CDH13: variants seen among roughly 807,000 people sequenced by gnomAD.
CDH13 encodes the protein cadherin 13, also known as cadherin-13.
In CDH13, 24 loss-of-function variants were observed where a neutral mutation model predicts 63.8. The ratio of observed to expected loss-of-function variants is 0.38; its 90% confidence interval spans 0.27 to 0.53. The LOEUF (loss-of-function observed/expected upper bound fraction) is 0.53, where lower values mean the gene tolerates loss of function less well. Among genes scored for constraint, CDH13 ranks in the 20% least tolerant of loss-of-function variants. The pLI is 0.85. For missense variants in CDH13, 1,049 were observed against 903.1 expected, an observed-to-expected ratio of 1.16 and a Z score of -2.07; for synonymous variants, 503 against 355.3, an observed-to-expected ratio of 1.42 and a Z score of -4.67.
chr16:83,415,202 A>C (rs1417830629), intron 6 of CDH13, among the ~76,000 whole-genome samples: 1 of 152,146 alleles, frequency 6.6e-6, no homozygotes, highest in Non-Finnish European at 1.5e-5. Flanking sequence ...AATTCCTAAA[A>C]ACATACAACC....
Position 83,780,194 on chromosome 16 carries a change from G to C in CDH13, c.1908G>C (p.Lys636Asn). 1 of 1,588,980 alleles carries C rather than the reference G, an allele frequency of 6.3e-7. No individual in the cohort carries two copies. Among genetic ancestry groups the C allele is most frequent in the African/African-American group, 1.3e-5 (1 of 74,606 alleles). ...AVPDKVWKIS[K>N]INNTHALVSL... ...CTGATAAAGTCTGGAAGATCTCCAA[G>C]ATCAACAGTAAGTCTGGCTAAAGCA... The change falls in exon 12 of 14, where the codon AAG becomes AAC. Residue 636 changes from lysine (K) to asparagine (N), a missense_variant. Transcript: ENST00000567109.
chr16:82,639,215 G>T, intron 1 of CDH13: 2 of 487,102 alleles, frequency 4.1e-6, no homozygotes, highest in Non-Finnish European at 7.2e-6. Flanking sequence ...TAGCTGCCTG[G>T]GATGACTACT....
intron 1 of CDH13, among the ~76,000 whole-genome samples, chr16:82,667,065 C>G (rs1404588782): frequency 3.9e-5 from 6 of 152,158 alleles, no homozygotes; most frequent in African/African-American, 1.4e-4. Context: ...AAGGAATCAG[C>G]TGTTCCTTCT....
At chr16:83,256,810 A>C (rs1254000788) in intron 5 of CDH13, among the ~76,000 whole-genome samples, 1 of 139,172 alleles carries the variant, frequency 7.2e-6, no homozygotes, top group Non-Finnish European at 1.5e-5. Flanking sequence ...GCGCCACTGC[A>C]CTCCAGCCTG....
intron 6 of CDH13, among the ~76,000 whole-genome samples, chr16:83,353,282 G>A (rs772191957): frequency 2.6e-5 from 4 of 152,198 alleles, no homozygotes; most frequent in South Asian, 2.1e-4. Flanking sequence ...AGGTCCTCTG[G>A]TGATATCTCA....
intron 11 of CDH13, among the ~76,000 whole-genome samples, chr16:83,770,245 C>G (rs1016367495): frequency 2.0e-5 from 3 of 152,126 alleles, no homozygotes; most frequent in African/African-American, 4.8e-5. Context: ...TGTTTTTTAC[C>G]CTTTCTACCA....
At chr16:82,835,087 C>T (rs967989813) in intron 1 of CDH13, among the ~76,000 whole-genome samples, 2 of 152,094 alleles carry the variant, frequency 1.3e-5, no homozygotes, top group Non-Finnish European at 2.9e-5. Flanking sequence ...TTTCTTTAAC[C>T]CAATATATTC....
chr16:82,943,833 T>C (rs947732999), intron 2 of CDH13, among the ~76,000 whole-genome samples: 2 of 152,226 alleles, frequency 1.3e-5, no homozygotes, highest in African/African-American at 2.4e-5. Flanking sequence ...AATGACTTAG[T>C]TTTCTTTGTC....
At chr16:83,185,965 G>A (rs1485697558) in intron 4 of CDH13, among the ~76,000 whole-genome samples, 1 of 151,922 alleles carries the variant, frequency 6.6e-6, no homozygotes, top group African/African-American at 2.4e-5. Flanking sequence ...TTTCTGTATT[G>A]TCTAATGGAA....
chr16:83,449,242 G>A (rs1031513840), intron 6 of CDH13, among the ~76,000 whole-genome samples: 3 of 152,126 alleles, frequency 2.0e-5, no homozygotes, highest in Non-Finnish European at 4.4e-5. Context: ...GAGATAGGAG[G>A]CCCTCAATGT....
At chr16:83,079,643 C>G (rs1428377201) in intron 3 of CDH13, among the ~76,000 whole-genome samples, 1 of 152,174 alleles carries the variant, frequency 6.6e-6, no homozygotes, top group Non-Finnish European at 1.5e-5. Context: ...TTACCATTAT[C>G]CTTGCTGCCT....
intron 4 of CDH13, among the ~76,000 whole-genome samples, chr16:83,216,979 A>C (rs1029301085): frequency 6.6e-6 from 1 of 152,128 alleles, no homozygotes; most frequent in Non-Finnish European, 1.5e-5. Flanking sequence ...AATGGCTTCC[A>C]TTACCTTTTT....
At chr16:83,309,994 A>G (rs1483742801) in intron 5 of CDH13, among the ~76,000 whole-genome samples, 1 of 152,214 alleles carries the variant, frequency 6.6e-6, no homozygotes, top group Non-Finnish European at 1.5e-5. Flanking sequence ...ATGAGTGGGT[A>G]CAAAAGTTCC....
rs576235593 is a variant in CDH13 at position 83,588,528 on chromosome 16, T to C, written c.961-13926T>C. 2.2e-4 allele frequency among the ~76,000 whole-genome samples: 33 copies of C among 152,246 alleles called. No individual in the cohort carries two copies. The South Asian group carries it at 6.4e-3, about 30-fold the overall frequency. ...CAGGCAGTGTCTTGGGACCTCAGTG[T>C]CTCAAGGGGCAAGGCACTGGGGCTA... On this transcript the variant is annotated intron_variant, in intron 7 of 13. Coordinates refer to ENST00000567109, the MANE Select transcript of CDH13 (RefSeq NM_001257.5).
chr16:82,763,966 C>A (rs902309189), intron 1 of CDH13, among the ~76,000 whole-genome samples: 1 of 152,176 alleles, frequency 6.6e-6, no homozygotes, highest in African/African-American at 2.4e-5. Flanking sequence ...AGCCACTGTG[C>A]CTGGCCATCC....
At chr16:83,102,930 C>CTTTTTTTTT (rs71148812) in intron 3 of CDH13, among the ~76,000 whole-genome samples, 4 of 96,926 alleles carry the variant, frequency 4.1e-5, no homozygotes, top group African/African-American at 1.4e-4. Context: ...TTTTCTTTTT[C>CTTTTTTTTT]TTTTTTTTTT....
intron 4 of CDH13, among the ~76,000 whole-genome samples, chr16:83,139,078 G>C (rs1567867890): frequency 1.3e-5 from 2 of 151,990 alleles, no homozygotes; most frequent in Non-Finnish European, 2.9e-5. Flanking sequence ...AGTTTGCTCT[G>C]TGCTGAGGCT....
intron 3 of CDH13, among the ~76,000 whole-genome samples, chr16:83,110,745 G>A (rs181150301): frequency 6.6e-6 from 1 of 151,886 alleles, no homozygotes; most frequent in Non-Finnish European, 1.5e-5. Flanking sequence ...TGCCAGGGTC[G>A]GGCTTCTTTC....
intron 7 of CDH13, among the ~76,000 whole-genome samples, chr16:83,528,263 A>G (rs1185109240): frequency 6.6e-6 from 1 of 152,242 alleles, no homozygotes; most frequent in African/African-American, 2.4e-5. Flanking sequence ...GCTATTTGCC[A>G]TAATAAGGAT....
Sources: allele counts gnomAD v4.1 joint callset (sites outside exome capture counted in the v4.1 genomes callset), GRCh38; gene constraint gnomAD v4.1.1; transcripts MANE v1.5; gene names NCBI Gene and HGNC (gene_info 2026-07-23, HGNC 2026-07-21).